The following DGKI variants were observed in gnomAD, a reference collection of about 807,000 sequenced individuals.
DGKI encodes diacylglycerol kinase iota.
Under a neutral mutation model 147.5 loss-of-function variants are expected in DGKI, and 55 were observed. That is an observed-to-expected ratio of 0.37 (90% CI 0.30 to 0.47). The LOEUF (loss-of-function observed/expected upper bound fraction) is 0.47. Ranked by LOEUF, DGKI falls within the 20% of genes least tolerant of loss-of-function variation. The probability of loss-of-function intolerance (pLI) is 1.00; values close to 1 mark genes in which losing one functional copy is unlikely to be tolerated. For synonymous variants in DGKI, 469 were observed against 477.1 expected (o/e 0.98, Z 0.22); for missense variants, 1,007 against 1,323.8 (o/e 0.76, Z 3.71).
intron 5 of DGKI, among the ~76,000 whole-genome samples, chr7:137,646,874 G>A (rs28713573): frequency 0.084 from 12,760 of 152,146 alleles, 1,723 homozygotes; most frequent in African/African-American, 0.28. Context: ...AGAAACCACT[G>A]AGAAGCATTA....
chr7:137,419,641 A>C (rs1045890057), intron 28 of DGKI, among the ~76,000 whole-genome samples: 1 of 152,194 alleles, frequency 6.6e-6, no homozygotes, highest in Non-Finnish European at 1.5e-5. Context: ...ATGAGGCATA[A>C]ATGGGAAGCA....
chr7:137,641,590 A>T (rs1019445921), intron 6 of DGKI, among the ~76,000 whole-genome samples: 8 of 152,220 alleles, frequency 5.3e-5, no homozygotes, highest in African/African-American at 1.9e-4. Flanking sequence ...AATGAATTTC[A>T]TATTTAGACT....
chr7:137,762,355 T>C (rs1234870143), intron 1 of DGKI, among the ~76,000 whole-genome samples: 3 of 152,208 alleles, frequency 2.0e-5, no homozygotes. Context: ...GTTTGGAAAA[T>C]GCTGGCCTCT....
intron 21 of DGKI, among the ~76,000 whole-genome samples, chr7:137,490,942 A>G (rs1353341446): frequency 6.6e-6 from 1 of 152,242 alleles, no homozygotes; most frequent in Non-Finnish European, 1.5e-5. Context: ...ATAAGATGGC[A>G]TATTTCATGC....
chr7:137,673,135 C>T (rs1822912227), intron 3 of DGKI, among the ~76,000 whole-genome samples: 1 of 152,110 alleles, frequency 6.6e-6, no homozygotes, highest in African/African-American at 2.4e-5. Flanking sequence ...CCACTCTACT[C>T]CAGATGAACT....
chr7:137,556,141 A>G lies in DGKI; in HGVS notation c.1948-3573T>C, dbSNP rs200693883. 3.3e-5 allele frequency among the ~76,000 whole-genome samples: 5 copies of G among 152,260 alleles called. No individual in the cohort carries two copies. The East Asian group carries it at 9.6e-4, about 29-fold the overall frequency. Reference sequence around the variant, plus strand: ...AAAAACCACATTATCATCTCAAAAGATTAAGCAAAAAAAGATGTTCAATGC... The same window carrying G: ...AAAAACCACATTATCATCTCAAAAGGTTAAGCAAAAAAAGATGTTCAATGC... On this transcript the variant is annotated intron_variant, in intron 19 of 32. Transcript: ENST00000614521.
At chr7:137,721,370 T>C (rs1794552559) in intron 1 of DGKI, among the ~76,000 whole-genome samples, 1 of 152,208 alleles carries the variant, frequency 6.6e-6, no homozygotes, top group Non-Finnish European at 1.5e-5. Flanking sequence ...AAATAACATC[T>C]TCTACCTGCC....
At chr7:137,618,151 A>ATTTTTTTTTTTTTTTTTTT (rs1156891729) in intron 8 of DGKI, among the ~76,000 whole-genome samples, 1 of 10,450 alleles carries the variant, frequency 9.6e-5, no homozygotes, top group African/African-American at 1.3e-4. Context: ...ATATATATAT[A>ATTTTTTTTTTTTTTTTTTT]TTTTTTTTTT....
At chr7:137,462,649 T>C (rs184315155) in intron 27 of DGKI, among the ~76,000 whole-genome samples, 18 of 152,358 alleles carry the variant, frequency 1.2e-4, no homozygotes, top group Admixed American at 3.3e-4. Flanking sequence ...TATCTTGTTA[T>C]TCTGTCAAAA....
chr7:137,488,761 CAGA>C (rs745655964), intron 21 of DGKI, among the ~76,000 whole-genome samples: 20 of 152,020 alleles, frequency 1.3e-4, no homozygotes, highest in Middle Eastern at 3.2e-3. Flanking sequence ...TCATAATACA[CAGA>C]AGAAGATTTA....
At chr7:137,461,992 A>G (rs1814462111) in intron 27 of DGKI, among the ~76,000 whole-genome samples, 2 of 152,148 alleles carry the variant, frequency 1.3e-5, no homozygotes, top group South Asian at 4.1e-4. Context: ...ACTATCTTAT[A>G]TACAATTATT....
intron 5 of DGKI, among the ~76,000 whole-genome samples, chr7:137,648,675 A>T (rs1177606419): frequency 2.6e-5 from 4 of 152,174 alleles, no homozygotes; most frequent in Non-Finnish European, 5.9e-5. Flanking sequence ...ATGCAATTTA[A>T]AACTTACGAA....
intron 1 of DGKI, among the ~76,000 whole-genome samples, chr7:137,692,580 A>G (rs1823649992): frequency 6.6e-6 from 1 of 152,156 alleles, no homozygotes; most frequent in Non-Finnish European, 1.5e-5. Flanking sequence ...GACCGCCAAA[A>G]CCCGGTTACT....
chr7:137,672,718 C>T (rs1206052190), intron 3 of DGKI, among the ~76,000 whole-genome samples: 6 of 151,060 alleles, frequency 4.0e-5, no homozygotes, highest in Non-Finnish European at 8.8e-5. Flanking sequence ...CTAATTCCTG[C>T]CCCCATCACC....
intron 30 of DGKI, among the ~76,000 whole-genome samples, chr7:137,405,275 T>G (rs1002071669): frequency 6.6e-6 from 1 of 152,246 alleles, no homozygotes; most frequent in East Asian, 1.9e-4. Context: ...AGACAGAGTC[T>G]GGCTCAGCTG....
chr7:137,605,216 G>A (rs1393381426), intron 10 of DGKI, among the ~76,000 whole-genome samples: 2 of 151,930 alleles, frequency 1.3e-5, no homozygotes, highest in African/African-American at 4.8e-5. Flanking sequence ...GCTGAGCCAA[G>A]AGAATTGCTT....
intron 26 of DGKI, among the ~76,000 whole-genome samples, chr7:137,464,366 C>T (rs1449078274): frequency 6.6e-6 from 1 of 151,852 alleles, no homozygotes; most frequent in Non-Finnish European, 1.5e-5. Context: ...AGAGTCAGAG[C>T]CCAGGTTAGG....
chr7:137,741,170 A>C (rs1297368510), intron 1 of DGKI, among the ~76,000 whole-genome samples: 2 of 152,246 alleles, frequency 1.3e-5, no homozygotes, highest in Admixed American at 1.3e-4. Context: ...AAAGGAGAAA[A>C]GCAATCCAGC....
At chr7:137,808,564 C>G in intron 1 of DGKI, among the ~76,000 whole-genome samples, 1 of 152,196 alleles carries the variant, frequency 6.6e-6, no homozygotes, top group South Asian at 2.1e-4. Context: ...ACCTGCCTCC[C>G]CTAGCCCCCA....
Sources: allele counts gnomAD v4.1 joint callset (sites outside exome capture counted in the v4.1 genomes callset), GRCh38; gene constraint gnomAD v4.1.1; transcripts MANE v1.5; gene names NCBI Gene and HGNC (gene_info 2026-07-23, HGNC 2026-07-21).